PKNOX1: variants seen among roughly 807,000 people sequenced by gnomAD.
The protein encoded by PKNOX1 is homeobox protein PKNOX1.
In PKNOX1, 15 loss-of-function variants were observed where a neutral mutation model predicts 51.9. The observed-to-expected ratio is 0.29, with a 90% CI of 0.19 to 0.45. The LOEUF is 0.45. PKNOX1 is among the 20% of genes least tolerant of loss of function. PKNOX1 has a pLI of 1.00. For missense variants in PKNOX1, 462 were observed against 547.5 expected (o/e 0.84, Z 1.56); for synonymous variants, 219 against 211.1 (o/e 1.04, Z -0.32).
chr21:42,996,783 G>C (rs962685371), intron 1 of PKNOX1, among the ~76,000 whole-genome samples: 7 of 152,150 alleles, frequency 4.6e-5, no homozygotes, highest in Non-Finnish European at 5.9e-5. Flanking sequence ...GCCCAGGCTG[G>C]TCTTGAACTC....
intron 1 of PKNOX1, 134 bp downstream of exon 1, chr21:42,974,798 C>G (rs1313565182): frequency 6.6e-6 from 1 of 151,318 alleles, no homozygotes; most frequent in Non-Finnish European, 1.5e-5. Context: ...GCGCTGCCCT[C>G]GAGGGCCCGC....
chr21:43,007,240 G>A (rs1444004567), intron 2 of PKNOX1, among the ~76,000 whole-genome samples: 1 of 152,156 alleles, frequency 6.6e-6, no homozygotes, highest in East Asian at 1.9e-4. Context: ...TTAGGCCATC[G>A]CCAGTGTTAT....
At chr21:43,015,237 C>T (rs184940404) in intron 5 of PKNOX1, among the ~76,000 whole-genome samples, 16 of 152,364 alleles carry the variant, frequency 1.1e-4, no homozygotes, top group African/African-American at 3.6e-4. Context: ...TTTCTAGATG[C>T]TCTTTATCAA....
chr21:43,018,138 A>G lies in PKNOX1; in HGVS notation c.628A>G (p.Thr210Ala). Residue 210 changes from threonine (T) to alanine (A), a missense_variant, in exon 7 of 11, where the codon ACA becomes GCA. By Grantham distance (58) the Thr-to-Ala change is moderately conservative (BLOSUM62 0). Coordinates refer to ENST00000291547, the MANE Select transcript of PKNOX1 (RefSeq NM_004571.5). ...TTTTTATTCTCCCTTTCGAGGTGGCACAGTGTATCAGCCTGTCACGGTCGT... is the reference window on the plus strand; with the variant it reads ...TTTTTATTCTCCCTTTCGAGGTGGCGCAGTGTATCAGCCTGTCACGGTCGT... ...NVAMATVAGGTVYQPVTVVTP... is the reference protein window; with the variant it reads ...NVAMATVAGGAVYQPVTVVTP... The G allele has an allele frequency of 6.3e-7, 1 of 1,596,014 alleles. No homozygotes were observed. Among genetic ancestry groups the G allele is most frequent in the Non-Finnish European group, 8.6e-7 (1 of 1,165,368 alleles).
intron 1 of PKNOX1, among the ~76,000 whole-genome samples, chr21:42,993,552 T>C (rs1434715717): frequency 6.6e-6 from 1 of 151,926 alleles, no homozygotes; most frequent in Non-Finnish European, 1.5e-5. Context: ...TCTAAAACTT[T>C]ATGCATTTTT....
intron 1 of PKNOX1, among the ~76,000 whole-genome samples, chr21:42,994,982 C>T (rs1978432849): frequency 2.1e-5 from 3 of 140,072 alleles, no homozygotes; most frequent in Non-Finnish European, 3.0e-5. Context: ...AGTGCAGTGG[C>T]GCAATCTTGA....
At chr21:42,977,178 C>A (rs576506108) in intron 1 of PKNOX1, among the ~76,000 whole-genome samples, 6 of 152,236 alleles carry the variant, frequency 3.9e-5, no homozygotes, top group Admixed American at 3.9e-4. Context: ...CAAGAGTAGA[C>A]GTAACATAAT....
At chr21:42,989,123 A>G (rs961116948) in intron 1 of PKNOX1, among the ~76,000 whole-genome samples, 5 of 151,976 alleles carry the variant, frequency 3.3e-5, no homozygotes, top group Admixed American at 6.6e-5. Flanking sequence ...TCTTCTGTAA[A>G]ATAAACGTAA....
intron 5 of PKNOX1, 62 bp from the exon 6 acceptor site, chr21:43,016,846 G>A: frequency 9.0e-7 from 1 of 1,114,622 alleles, no homozygotes; most frequent in Non-Finnish European, 1.3e-6. Context: ...TTATGTTAAA[G>A]TTTTAAACAT....
intron 1 of PKNOX1, among the ~76,000 whole-genome samples, chr21:42,982,511 C>T (rs2059031794): frequency 6.6e-6 from 1 of 152,020 alleles, no homozygotes; most frequent in African/African-American, 2.4e-5. Flanking sequence ...GGGTGGATCA[C>T]CTGAGGTCGG....
intron 1 of PKNOX1, among the ~76,000 whole-genome samples, chr21:42,991,046 T>C (rs2059084690): frequency 6.6e-6 from 1 of 152,168 alleles, no homozygotes; most frequent in Non-Finnish European, 1.5e-5. Flanking sequence ...ACAAGCTGCT[T>C]CTCAAATTCT....
chr21:43,004,237 C>CA (rs900704157), intron 1 of PKNOX1, 89 bp from the exon 2 acceptor site: 32,662 of 462,774 alleles, frequency 0.071, no homozygotes, highest in South Asian at 0.093. Flanking sequence ...AACTCGGTCT[C>CA]AAAAAAAAAA....
chr21:43,013,957 G>C (rs1211215071), intron 5 of PKNOX1, among the ~76,000 whole-genome samples: 1 of 150,666 alleles, frequency 6.6e-6, no homozygotes, highest in Non-Finnish European at 1.5e-5. Flanking sequence ...TAATAATGTT[G>C]AACATTATTA....
chr21:42,985,770 G>A (rs915595993), intron 1 of PKNOX1, among the ~76,000 whole-genome samples: 20 of 151,840 alleles, frequency 1.3e-4, no homozygotes, highest in African/African-American at 4.6e-4. Flanking sequence ...AGGCTGAGGC[G>A]GGTGGATGAC....
Position 43,031,966 on chromosome 21 carries a change from A to G in PKNOX1, c.*1865A>G, listed in dbSNP as rs1270504360. On this transcript the variant is annotated 3_prime_UTR_variant, in exon 11 of 11. Coordinates refer to ENST00000291547, the MANE Select transcript of PKNOX1 (RefSeq NM_004571.5). ...AACCTCCACCTCTTATGTTCAAGCA[A>G]TTCTCCTTCCTTAGCCTCCTGAGTA... 6.3e-6 allele frequency: 2 copies of G among 319,294 alleles called. No homozygotes were observed. The highest frequency in any genetic ancestry group is 2.2e-5 in the African/African-American group (1 of 46,204). The allele number at this position is 319,294 out of a possible 1,614,324, so 19.8% of individuals were successfully genotyped here.
intron 1 of PKNOX1, among the ~76,000 whole-genome samples, chr21:42,998,400 C>A (rs1978604153): frequency 6.6e-6 from 1 of 152,066 alleles, no homozygotes; most frequent in South Asian, 2.1e-4. Flanking sequence ...TCATTGTGCC[C>A]CTGCCCCCTC....
chr21:43,008,488 TA>T (rs1348643558), intron 3 of PKNOX1, among the ~76,000 whole-genome samples: 1 of 152,198 alleles, frequency 6.6e-6, no homozygotes, highest in African/African-American at 2.4e-5. Flanking sequence ...GTTTAGTATT[TA>T]AAAGTCTGCC....
chr21:42,977,874 C>G (rs1200801016), intron 1 of PKNOX1, among the ~76,000 whole-genome samples: 2 of 152,046 alleles, frequency 1.3e-5, no homozygotes, highest in African/African-American at 4.8e-5. Context: ...TTCCTCACCT[C>G]TCTCAGCCTT....
In PKNOX1 at chr21:43,031,337, T is replaced by C. The variant is rs1167068129; in HGVS notation, c.*1236T>C. On this transcript the variant is annotated 3_prime_UTR_variant, in exon 11 of 11. Transcript: ENST00000291547. ...AGGGCACCTCGGCAGCCCCCACGGG[T>C]TGGCTCCTACGTTTGCGTTTGTGGC... The C allele has an allele frequency of 6.6e-6, 1 of 152,564 alleles. No homozygotes were observed. The highest frequency in any genetic ancestry group is 1.5e-5 in the Non-Finnish European group (1 of 68,046). 9.5% of individuals were successfully genotyped at this position (152,564 alleles called of 1,614,324 possible). A position where few individuals can be genotyped will look rare whatever the true frequency, so the allele number is the denominator to read the frequency against.
Sources: gnomAD v4.1 joint callset for allele counts (sites outside exome capture counted in the v4.1 genomes callset) on GRCh38, gnomAD v4.1.1 for gene constraint, MANE v1.5 for transcripts, NCBI Gene and HGNC (gene_info 2026-07-23, HGNC 2026-07-21) for gene names.